Variants in COL11A1 observed in about 807,000 individuals in gnomAD.
COL11A1 encodes collagen alpha-1(XI) chain.
Under a neutral mutation model 265.2 loss-of-function variants are expected in COL11A1, and 74 were observed. The observed-to-expected ratio is 0.28, with a 90% CI of 0.23 to 0.34. The LOEUF is 0.34. Among genes scored for constraint, COL11A1 ranks in the 10% least tolerant of loss-of-function variants. The pLI, the probability that COL11A1 is intolerant of heterozygous loss-of-function variation, is 1.00. For synonymous variants in COL11A1, 816 were observed against 727.6 expected, an observed-to-expected ratio of 1.12 and a Z score of -1.96; for missense variants, 2,165 against 2,263.6, an observed-to-expected ratio of 0.96 and a Z score of 0.88.
intron 14 of COL11A1, among the ~76,000 whole-genome samples, chr1:103,011,750 T>A (rs2101887308): frequency 6.6e-6 from 1 of 152,212 alleles, no homozygotes; most frequent in African/African-American, 2.4e-5. Flanking sequence ...TTTATCCATC[T>A]ATTCTAAAAT....
At chr1:103,015,615 G>GA in intron 12 of COL11A1, 53 bp downstream of exon 12, 5 of 1,354,104 alleles carry the variant, frequency 3.7e-6, no homozygotes, top group South Asian at 2.5e-5. Flanking sequence ...ATAAACTTCA[G>GA]AAAAAAGATG....
chr1:102,907,782 T>TTAGCA (rs764501679), intron 54 of COL11A1, among the ~76,000 whole-genome samples: 56 of 152,076 alleles, frequency 3.7e-4, no homozygotes, highest in Middle Eastern at 3.2e-3. Flanking sequence ...ATTTATTTTA[T>TTAGCA]TAGCATACAA....
intron 23 of COL11A1, among the ~76,000 whole-genome samples, 197 bp from the exon 24 acceptor site, chr1:103,002,166 G>A (rs991053308): frequency 2.0e-5 from 3 of 152,044 alleles, no homozygotes; most frequent in African/African-American, 4.8e-5. Context: ...ACTATAATGC[G>A]ATCCTATTCA....
intron 4 of COL11A1, among the ~76,000 whole-genome samples, chr1:103,054,383 C>G (rs1670059453): frequency 6.6e-6 from 1 of 152,148 alleles, no homozygotes; most frequent in East Asian, 1.9e-4. Flanking sequence ...CTCTATGCTA[C>G]TCTAACAAGA....
intron 28 of COL11A1, among the ~76,000 whole-genome samples, chr1:102,991,481 T>C (rs1263847410): frequency 2.0e-5 from 3 of 152,120 alleles, no homozygotes; most frequent in Non-Finnish European, 4.4e-5. Flanking sequence ...TCTTTTGTCT[T>C]GAACTCCTCC....
intron 4 of COL11A1, among the ~76,000 whole-genome samples, chr1:103,047,185 A>C (rs1366291873): frequency 2.0e-5 from 3 of 152,052 alleles, no homozygotes; most frequent in Non-Finnish European, 2.9e-5. Context: ...TGAATCTGTA[A>C]ATTACCTTGG....
At chr1:103,083,661 A>G (rs1035528861) in intron 1 of COL11A1, among the ~76,000 whole-genome samples, 1 of 152,190 alleles carries the variant, frequency 6.6e-6, no homozygotes, top group Admixed American at 6.5e-5. Flanking sequence ...ACAGGTACTT[A>G]TATATGCACA....
At position 103,108,449 on chromosome 1, in the gene COL11A1, A is replaced by G; in HGVS notation, c.-271T>C. On this transcript the variant is annotated 5_prime_UTR_variant, in exon 1 of 67. Transcript: ENST00000370096. ...TTCCTCTGCCGGGCCCTGCCTTCAG[A>G]ATGAAGGCAGATGAGGGGCTTCCAC... 1.7e-6 allele frequency: 1 copy of G among 600,272 alleles called. No homozygotes were observed. The highest frequency in any genetic ancestry group is 3.0e-6 in the Non-Finnish European group (1 of 338,224). 37.2% of individuals were successfully genotyped at this position (600,272 alleles called of 1,614,324 possible). A position where few individuals can be genotyped will look rare whatever the true frequency, so the allele number is the denominator to read the frequency against.
At chr1:102,997,171 G>C (rs1254144966) in intron 25 of COL11A1, 47 bp from the exon 26 acceptor site, 1 of 1,433,194 alleles carries the variant, frequency 7.0e-7, no homozygotes, top group East Asian at 2.3e-5. Flanking sequence ...TATAAACATA[G>C]TTGATAATAC....
At chr1:103,035,538 GTT>G (rs925494685) in intron 4 of COL11A1, among the ~76,000 whole-genome samples, 7 of 152,094 alleles carry the variant, frequency 4.6e-5, no homozygotes, top group African/African-American at 1.7e-4. Context: ...ATTTATGCAA[GTT>G]TTTTACTCAT....
At chr1:102,983,742 G>T (rs1663260231) in intron 31 of COL11A1, among the ~76,000 whole-genome samples, 1 of 152,072 alleles carries the variant, frequency 6.6e-6, no homozygotes. Context: ...TCATGGAAAT[G>T]AGGGTAATAG....
At chr1:102,893,359 A>G (rs1652000179) in intron 57 of COL11A1, among the ~76,000 whole-genome samples, 1 of 152,156 alleles carries the variant, frequency 6.6e-6, no homozygotes. Flanking sequence ...CTCTCTTAAC[A>G]TTATAAACTA....
At chr1:102,892,469 A>C (rs1651890949) in intron 57 of COL11A1, among the ~76,000 whole-genome samples, 1 of 152,164 alleles carries the variant, frequency 6.6e-6, no homozygotes, top group Admixed American at 6.6e-5. Flanking sequence ...ATGGGTTCAG[A>C]ATAGATAAGG....
At chr1:103,054,226 T>C (rs1464149259) in intron 4 of COL11A1, among the ~76,000 whole-genome samples, 3 of 152,224 alleles carry the variant, frequency 2.0e-5, no homozygotes, top group Non-Finnish European at 2.9e-5. Context: ...AAATGAATCA[T>C]GAAACAGATT....
chr1:103,003,957 G>T (rs1571002636), intron 20 of COL11A1, among the ~76,000 whole-genome samples: 1 of 152,230 alleles, frequency 6.6e-6, no homozygotes, highest in Non-Finnish European at 1.5e-5. Context: ...CCAAAATTAG[G>T]AGGCCTATTT....
chr1:102,984,004 C>G, intron 31 of COL11A1, 134 bp downstream of exon 31: 1 of 668,140 alleles, frequency 1.5e-6, no homozygotes, highest in Non-Finnish European at 2.5e-6. Flanking sequence ...TCCACACACT[C>G]TATGATTTTC....
intron 30 of COL11A1, among the ~76,000 whole-genome samples, chr1:102,986,308 C>T (rs938739919): frequency 6.7e-6 from 1 of 150,234 alleles, no homozygotes; most frequent in Non-Finnish European, 1.5e-5. Flanking sequence ...CAAACTATCG[C>T]AAGGACAAAA....
At chr1:102,881,941 T>A (rs1037574154) in intron 64 of COL11A1, among the ~76,000 whole-genome samples, 176 bp from the exon 65 acceptor site, 1 of 152,146 alleles carries the variant, frequency 6.6e-6, no homozygotes, top group Non-Finnish European at 1.5e-5. Context: ...AAATTTGAGA[T>A]AGATCCTGTA....
In COL11A1 at chr1:103,032,960, A is replaced by T. The variant is rs183794294; in HGVS notation, c.652-1716T>A. Among the ~76,000 whole-genome samples, 550 of 152,238 alleles carry T rather than the reference A, an allele frequency of 3.6e-3. 4 individuals are homozygous for T. The highest frequency in any genetic ancestry group is 0.013 in the African/African-American group (520 of 41,560). On this transcript the variant is annotated intron_variant, in intron 4 of 66. Coordinates refer to ENST00000370096, the MANE Select transcript of COL11A1 (RefSeq NM_001854.4). ...AGTACAGCCACAGCCTTGTCCAACC[A>T]TCACTACTAATTGCAGAAAAATTTC...
Sources: allele counts gnomAD v4.1 joint callset (sites outside exome capture counted in the v4.1 genomes callset), GRCh38; gene constraint gnomAD v4.1.1; transcripts MANE v1.5; gene names NCBI Gene and HGNC (gene_info 2026-07-23, HGNC 2026-07-21).